AHNAK: variants seen among roughly 807,000 people sequenced by gnomAD.
AHNAK encodes neuroblast differentiation-associated protein AHNAK.
In AHNAK, 23 loss-of-function variants were observed where a neutral mutation model predicts 37.8. The ratio of observed to expected loss-of-function variants is 0.61; its 90% CI spans 0.44 to 0.86. AHNAK has a LOEUF of 0.86. Among genes scored for constraint, AHNAK ranks in the 40% least tolerant of loss-of-function variants. The probability of loss-of-function intolerance (pLI) is 0.00; values close to 1 mark genes in which losing one functional copy is unlikely to be tolerated. For synonymous variants in AHNAK, 2,481 were observed against 2,636.3 expected, an observed-to-expected ratio of 0.94 and a Z score of 1.80; for missense variants, 7,411 against 7,319.4, an observed-to-expected ratio of 1.01 and a Z score of -0.46.
rs142790754 is a variant in AHNAK at position 62,526,802 on chromosome 11, C to T, written c.7615G>A (p.Val2539Ile). 1.1e-5 allele frequency: 18 copies of T among 1,613,308 alleles called. No homozygotes were observed. The highest frequency in any genetic ancestry group is 4.5e-5 in the East Asian group (2 of 44,832). ...EVDVNLPKAD[V>I]DISGPKVDIE... ...TCCACCTTGGGTCCTGAGATGTCAACGTCAGCCTTAGGCAAGTTGACGTCT... is the reference window on the plus strand; with the variant it reads ...TCCACCTTGGGTCCTGAGATGTCAATGTCAGCCTTAGGCAAGTTGACGTCT... The change falls in exon 5 of 5, where the codon GTT becomes ATT. Residue 2539 changes from valine (V) to isoleucine (I), a missense_variant. Transcript: ENST00000378024.
At chr11:62,537,392 G>C (rs955383211) in intron 1 of AHNAK, 1 of 152,160 alleles carries the variant, frequency 6.6e-6, no homozygotes, top group African/African-American at 2.4e-5. Context: ...AAGTAGCTCG[G>C]ACCACAGCCA....
chr11:62,487,179 G>A (rs1048816579), intron 5 of AHNAK, among the ~76,000 whole-genome samples: 2 of 152,218 alleles, frequency 1.3e-5, no homozygotes, highest in African/African-American at 2.4e-5. Context: ...AACAGCTAAC[G>A]TTTATTAAGC....
chr11:62,435,109 C>G (rs1051364817), intron 5 of AHNAK, among the ~76,000 whole-genome samples: 2 of 152,142 alleles, frequency 1.3e-5, no homozygotes, highest in Non-Finnish European at 2.9e-5. Context: ...CCTGCCCTCC[C>G]CCTAATTGAG....
rs766171563 is a variant in AHNAK, at chr11:62,530,741, C to T, written c.3676G>A (p.Val1226Met). The change falls in exon 5 of 5, where the codon GTG becomes ATG. Residue 1226 changes from valine (V) to methionine (M), a missense_variant. By Grantham distance (21) the Val-to-Met change is conservative (BLOSUM62 1). Transcript: ENST00000378024. The part of the protein sequence containing the change: ...SVPKVEGEMK[V>M]PDVEIKGPKM... Reference sequence around the variant, plus strand: ...GGTCCTTTGATTTCAACATCTGGCACTTTCATTTCACCTTCTACCTTGGGC... The same window carrying T: ...GGTCCTTTGATTTCAACATCTGGCATTTTCATTTCACCTTCTACCTTGGGC... The T allele has an allele frequency of 1.2e-6, 2 of 1,614,006 alleles. No homozygotes were observed.
downstream of AHNAK, among the ~76,000 whole-genome samples, chr11:62,513,218 C>A (rs1271430526): frequency 6.6e-6 from 1 of 152,156 alleles, no homozygotes; most frequent in Non-Finnish European, 1.5e-5. Flanking sequence ...GAGTGTCAGA[C>A]CTTGCAAGGC....
At chr11:62,534,964 G>A in intron 4 of AHNAK, 39 bp downstream of exon 4, 1 of 1,584,638 alleles carries the variant, frequency 6.3e-7, no homozygotes, top group Non-Finnish European at 8.6e-7. Context: ...GGCATGGCCG[G>A]GGGAGCTCAG....
chr11:62,461,028 G>T (rs1433540512), intron 5 of AHNAK, among the ~76,000 whole-genome samples: 3 of 142,312 alleles, frequency 2.1e-5, no homozygotes, highest in Non-Finnish European at 4.5e-5. Flanking sequence ...GTAGAGACAG[G>T]GTTTCACTGT....
chr11:62,490,948 C>T (rs531401282), intron 5 of AHNAK, among the ~76,000 whole-genome samples: 10 of 152,042 alleles, frequency 6.6e-5, no homozygotes, highest in South Asian at 6.2e-4. Flanking sequence ...CCACCATACC[C>T]GGCTAATTTT....
In AHNAK at chr11:62,517,235, C is replaced by T. The variant is rs532148677; in HGVS notation, c.17182G>A (p.Val5728Ile). Reference sequence around the variant, plus strand: ...ATTGATGCTTCTGGTGAGCCAGTGACACCACCTTTCCCTTTAGGTTTGGAA... The same window carrying T: ...ATTGATGCTTCTGGTGAGCCAGTGATACCACCTTTCCCTTTAGGTTTGGAA... Reference protein sequence around the residue: ...NFSKPKGKGGVTGSPEASISG... With the variant: ...NFSKPKGKGGITGSPEASISG... Residue 5728 changes from valine (V) to isoleucine (I), a missense_variant, in exon 5 of 5, where the codon GTC (valine) becomes ATC (isoleucine). Val to Ile is a conservative substitution (Grantham distance 29). Transcript: ENST00000378024. The T allele has an allele frequency of 8.7e-6, 14 of 1,614,168 alleles. No homozygotes were observed. In the East Asian group the frequency reaches 2.5e-4, roughly 28 times the overall value.
rs1940697122 is a variant in AHNAK, at chr11:62,530,523, G to C, written c.3894C>G (p.Ser1298Arg). 1.2e-6 allele frequency: 2 copies of C among 1,606,660 alleles called. No individual in the cohort carries two copies. Among genetic ancestry groups the C allele is most frequent in the African/African-American group, 1.4e-5 (1 of 72,414 alleles). The part of the protein sequence containing the change: ...PKVDVEVPDV[S>R]LEGPEGKLKG... ...TCAGCTTTCCTTCCGGGCCCTCAAG[G>C]CTCACATCTGGGACTTCAACATCCA... The change falls in exon 5 of 5, where the codon AGC becomes AGG. Residue 1298 changes from serine to arginine, a missense_variant. Coordinates refer to ENST00000378024, the MANE Select transcript of AHNAK (RefSeq NM_001620.3).
At chr11:62,491,414 T>C (rs1208912443) in intron 5 of AHNAK, among the ~76,000 whole-genome samples, 1 of 152,142 alleles carries the variant, frequency 6.6e-6, no homozygotes, top group African/African-American at 2.4e-5. Context: ...GGCTTCTGGG[T>C]TTAATAGGTA....
In AHNAK at chr11:62,528,733, T is replaced by C; in HGVS notation, c.5684A>G (p.Asp1895Gly). 6.2e-7 allele frequency: 1 copy of C among 1,611,924 alleles called. No homozygotes were observed. Residue 1895 changes from aspartate (D) to glycine (G), a missense_variant, in exon 5 of 5, where the codon GAT becomes GGT. Asp to Gly is a moderately conservative substitution (Grantham distance 94). Transcript: ENST00000378024. Reference sequence around the variant, plus strand: ...TGCATCAGGACACTCCAGCTCAACATCAGGCACCTCCACACCCACACTGGG... The same window carrying C: ...TGCATCAGGACACTCCAGCTCAACACCAGGCACCTCCACACCCACACTGGG... ...TGPSVGVEVP[D>G]VELECPDAKL...
At chr11:62,501,220 ATCCCTGCCTTT>A (rs1422868307) in intron 4 of AHNAK, among the ~76,000 whole-genome samples, 1 of 151,858 alleles carries the variant, frequency 6.6e-6, no homozygotes, top group African/African-American at 2.4e-5. Context: ...AAACAATTTT[ATCCCTGCCTTT>A]CAAAGGGATT....
intron 5 of AHNAK, among the ~76,000 whole-genome samples, chr11:62,476,775 G>C (rs1699811174): frequency 6.6e-6 from 1 of 152,124 alleles, no homozygotes; most frequent in South Asian, 2.1e-4. Context: ...TGGACCAAGA[G>C]AAAGAAGCTC....
intron 4 of AHNAK, among the ~76,000 whole-genome samples, chr11:62,498,371 T>C (rs1939651485): frequency 6.6e-6 from 1 of 151,980 alleles, no homozygotes; most frequent in Admixed American, 6.6e-5. Context: ...TTTAATTTTT[T>C]ACAAAATGAA....
chr11:62,455,330 T>C (rs570557004), intron 5 of AHNAK, among the ~76,000 whole-genome samples: 43 of 152,148 alleles, frequency 2.8e-4, no homozygotes, highest in African/African-American at 1.0e-3. Flanking sequence ...AGTCTCCTGA[T>C]CCCATGAAGG....
chr11:62,466,331 T>C (rs971032686), intron 5 of AHNAK, among the ~76,000 whole-genome samples: 1 of 151,898 alleles, frequency 6.6e-6, no homozygotes. Context: ...AAAAAAAAAT[T>C]TTTGTTTTTA....
At chr11:62,536,408 AG>A (rs1940950846) in intron 2 of AHNAK, 60 bp downstream of exon 2, 2 of 290,682 alleles carry the variant, frequency 6.9e-6, no homozygotes, top group Non-Finnish European at 1.3e-5. Context: ...CCATCCACAC[AG>A]GGCCCACCCT....
At position 62,531,352 on chromosome 11, in the gene AHNAK, A is replaced by C; in HGVS notation, c.3065T>G (p.Leu1022Arg). ...KGEGPEFDVN[L>R]SKANVDISAP... is the part of the protein sequence containing the mutation. ...AGAAATGTCCACATTCGCTTTGGAC[A>C]GGTTCACATCAAATTCTGGCCCCTC... is the stretch of plus-strand genomic sequence containing the variant. Residue 1022 changes from leucine (L) to arginine (R), a missense_variant, in exon 5 of 5, where the codon CTG (leucine) becomes CGG (arginine). Leu to Arg is a moderately radical substitution (Grantham distance 102, BLOSUM62 -2). Transcript: ENST00000378024. The C allele has an allele frequency of 6.2e-7, 1 of 1,613,768 alleles. No homozygotes were observed. Among genetic ancestry groups the C allele is most frequent in the Middle Eastern group, 1.6e-4 (1 of 6,062 alleles).
Sources: gnomAD v4.1 joint callset for allele counts (sites outside exome capture counted in the v4.1 genomes callset) on GRCh38, gnomAD v4.1.1 for gene constraint, MANE v1.5 for transcripts, NCBI Gene and HGNC (gene_info 2026-07-23, HGNC 2026-07-21) for gene names.